FAM118B: variants seen among roughly 807,000 people sequenced by gnomAD.
FAM118B encodes protein FAM118B.
Under a neutral mutation model 38.5 loss-of-function variants are expected in FAM118B, and 24 were observed. That is an observed-to-expected ratio of 0.62 (90% CI 0.45 to 0.88). The LOEUF (loss-of-function observed/expected upper bound fraction) is 0.88. FAM118B is among the 40% of genes least tolerant of loss of function. FAM118B has a pLI of 0.00. For missense variants in FAM118B, 334 were observed against 420.0 expected (o/e 0.80, Z 1.79); for synonymous variants, 138 against 156.3 (o/e 0.88, Z 0.87).
At chr11:126,257,247 A>G (rs1950591340) in intron 7 of FAM118B, among the ~76,000 whole-genome samples, 1 of 152,226 alleles carries the variant, frequency 6.6e-6, no homozygotes, top group Non-Finnish European at 1.5e-5. Context: ...ATGACCATAA[A>G]TTAGAAGATG....
Position 126,256,892 on chromosome 11 carries a change from C to G in FAM118B, c.982+40C>G. ...GAAGCTGAGGGGAATCAGAGAACAA[C>G]AGCTCTTCAGCCTTTTGTGTATTTG... On this transcript the variant is annotated intron_variant, in intron 7 of 8. Transcript: ENST00000533050. This position sits in a 1 kb window ranked among gnomAD's most constrained non-coding sequence, Gnocchi z 6.6. 1.3e-6 allele frequency: 2 copies of G among 1,558,484 alleles called. No homozygotes were observed. The highest frequency in any genetic ancestry group is 1.7e-6 in the Non-Finnish European group (2 of 1,147,056).
At chr11:126,233,781 T>G in intron 2 of FAM118B, 1 of 453,762 alleles carries the variant, frequency 2.2e-6, no homozygotes, top group South Asian at 1.6e-5. Flanking sequence ...AGTGTTTTAA[T>G]AAAGAAAAAG....
chr11:126,262,164 C>G lies in FAM118B; in HGVS notation c.*31C>G, dbSNP rs1479704439. ...CTAGAGAAATCACCACCGTTTAGAC[C>G]AAGCTGTAAGGCCCTACTACAGACA... is the stretch of plus-strand genomic sequence containing the variant. On this transcript the variant is annotated 3_prime_UTR_variant, in exon 9 of 9. Transcript: ENST00000533050. 1.2e-6 allele frequency: 2 copies of G among 1,611,490 alleles called. No individual in the cohort carries two copies. Among genetic ancestry groups the G allele is most frequent in the Non-Finnish European group, 8.5e-7 (1 of 1,177,852 alleles).
At chr11:126,231,670 A>G (rs1950207997) in intron 2 of FAM118B, among the ~76,000 whole-genome samples, 1 of 152,226 alleles carries the variant, frequency 6.6e-6, no homozygotes, top group Admixed American at 6.5e-5. Flanking sequence ...TTTTTAAAGT[A>G]ATAGTAGTTG....
intron 1 of FAM118B, among the ~76,000 whole-genome samples, chr11:126,225,478 C>A (rs1950128896): frequency 6.6e-6 from 1 of 152,154 alleles, no homozygotes; most frequent in Non-Finnish European, 1.5e-5. Context: ...AGAGCCACAC[C>A]CAGTTTCTCC....
upstream of FAM118B, chr11:126,211,742 T>G: frequency 7.4e-7 from 1 of 1,342,718 alleles, no homozygotes; most frequent in Non-Finnish European, 1.0e-6. Context: ...GGGTGGGGCC[T>G]GGGCGAGTCA....
intron 1 of FAM118B, among the ~76,000 whole-genome samples, chr11:126,223,059 C>G (rs1336314341): frequency 7.6e-6 from 1 of 132,140 alleles, no homozygotes; most frequent in Non-Finnish European, 1.5e-5. Context: ...CAGAATATCA[C>G]TCTGAGGAAA....
At chr11:126,261,879 C>T (rs1488167780) in intron 8 of FAM118B, among the ~76,000 whole-genome samples, 1 of 151,974 alleles carries the variant, frequency 6.6e-6, no homozygotes, top group African/African-American at 2.4e-5. Flanking sequence ...ATAGTCCCGG[C>T]TACTGGCTGA....
Position 126,256,182 on chromosome 11 carries a change from C to T in FAM118B, c.697-385C>T, listed in dbSNP as rs906693390. Among the ~76,000 whole-genome samples, 15 of 152,170 alleles carry T rather than the reference C, an allele frequency of 9.9e-5. No homozygotes were observed. Among genetic ancestry groups the T allele is most frequent in the African/African-American group, 3.4e-4 (14 of 41,428 alleles). ...TCGGGAGGCTGAGGCATGAGAGTCACTTGAACCAGGGTGGTGGAGGTTGCA... is the reference window on the plus strand; with the variant it reads ...TCGGGAGGCTGAGGCATGAGAGTCATTTGAACCAGGGTGGTGGAGGTTGCA... On this transcript the variant is annotated intron_variant, in intron 6 of 8. Transcript: ENST00000533050. The surrounding 1 kb of genome is among the most constrained non-coding windows in gnomAD (Gnocchi z 6.6).
chr11:126,220,825 T>A (rs901150972), intron 1 of FAM118B, among the ~76,000 whole-genome samples: 2 of 152,162 alleles, frequency 1.3e-5, no homozygotes, highest in African/African-American at 4.8e-5. Flanking sequence ...TTTTTTTTTT[T>A]AAGAGCTTTC....
chr11:126,248,757 C>T (rs989810266), intron 4 of FAM118B, among the ~76,000 whole-genome samples: 11 of 152,174 alleles, frequency 7.2e-5, no homozygotes, highest in African/African-American at 9.7e-5. Context: ...GCACGGCCCT[C>T]GTGACTTAAT....
chr11:126,225,020 C>A (rs991120263), intron 1 of FAM118B, among the ~76,000 whole-genome samples: 3 of 152,186 alleles, frequency 2.0e-5, no homozygotes, highest in Admixed American at 2.0e-4. Context: ...CAAACAAGAT[C>A]TCTTTTATGT....
chr11:126,220,243 C>A (rs963141921), intron 1 of FAM118B, among the ~76,000 whole-genome samples: 19 of 152,194 alleles, frequency 1.2e-4, no homozygotes, highest in African/African-American at 4.3e-4. Context: ...CTCCCTTGGG[C>A]CCAGGCTGCC....
chr11:126,254,258 G>T, intron 5 of FAM118B, 47 bp from the exon 6 acceptor site: 1 of 1,593,732 alleles, frequency 6.3e-7, no homozygotes, highest in South Asian at 1.1e-5. Context: ...CCTTTAAACA[G>T]GTGCTCAGCC....
At chr11:126,220,230 T>C (rs1032282450) in intron 1 of FAM118B, among the ~76,000 whole-genome samples, 1 of 152,244 alleles carries the variant, frequency 6.6e-6, no homozygotes, top group African/African-American at 2.4e-5. Flanking sequence ...AGTCTCCACC[T>C]GCCTCCCTTG....
chr11:126,222,754 A>G (rs1423853471), intron 1 of FAM118B, among the ~76,000 whole-genome samples: 1 of 152,212 alleles, frequency 6.6e-6, no homozygotes, highest in Non-Finnish European at 1.5e-5. Context: ...AATTAATGGT[A>G]GATACACACT....
chr11:126,226,679 A>G (rs1254368770), intron 1 of FAM118B, among the ~76,000 whole-genome samples: 1 of 152,220 alleles, frequency 6.6e-6, no homozygotes, highest in Non-Finnish European at 1.5e-5. Flanking sequence ...TTAAATAGGA[A>G]GGTCAAGAAC....
At chr11:126,225,718 A>G (rs1431346249) in intron 1 of FAM118B, among the ~76,000 whole-genome samples, 1 of 152,090 alleles carries the variant, frequency 6.6e-6, no homozygotes, top group African/African-American at 2.4e-5. Context: ...ATTACTAAAG[A>G]CCTGTAATCC....
At chr11:126,236,539 AC>A (rs1252886219) in intron 3 of FAM118B, among the ~76,000 whole-genome samples, 3 of 152,040 alleles carry the variant, frequency 2.0e-5, no homozygotes, top group Non-Finnish European at 4.4e-5. Context: ...ATTCTCAGTA[AC>A]CTGAAATTTC....
Sources: allele counts gnomAD v4.1 joint callset (sites outside exome capture counted in the v4.1 genomes callset), GRCh38; gene constraint gnomAD v4.1.1; non-coding constraint Gnocchi (gnomAD v3.1); transcripts MANE v1.5; gene names NCBI Gene and HGNC (gene_info 2026-07-23, HGNC 2026-07-21).